SYNE2: variants seen among roughly 807,000 people sequenced by gnomAD.
The protein encoded by SYNE2 is spectrin repeat containing nuclear envelope protein 2, also known as nesprin-2.
SYNE2 carries 431 observed loss-of-function variants against 856.3 expected under a neutral mutation model. That is an observed-to-expected ratio of 0.50 (90% CI 0.47 to 0.55). The LOEUF is 0.55. Among genes scored for constraint, SYNE2 ranks in the 20% least tolerant of loss-of-function variants. The probability of loss-of-function intolerance (pLI) is 0.00; values close to 1 mark genes in which losing one functional copy is unlikely to be tolerated. For synonymous variants in SYNE2, 2,923 were observed against 2,872.3 expected (o/e 1.02, Z -0.56); for missense variants, 8,129 against 8,023.2 (o/e 1.01, Z -0.50).
At chr14:64,133,610 A>G (rs775070762) in intron 77 of SYNE2, among the ~76,000 whole-genome samples, 3 of 152,182 alleles carry the variant, frequency 2.0e-5, no homozygotes, top group African/African-American at 4.8e-5. Flanking sequence ...CTATGCTGCA[A>G]GTGGCATGGG....
chr14:64,107,627 A>T lies in SYNE2; in HGVS notation c.12609+20A>T, dbSNP rs1005221695. On this transcript the variant is annotated intron_variant, in intron 65 of 115. Coordinates refer to ENST00000555002, the MANE Select transcript of SYNE2 (RefSeq NM_182914.3). ...GAAGAGGTAAGTCCTGGTTGGTAAT[A>T]AGTAAACTGCTCAGATAGCTGGACT... 5 of 1,584,134 alleles carry T rather than the reference A, an allele frequency of 3.2e-6. No individual in the cohort carries two copies. Among genetic ancestry groups the T allele is most frequent in the Admixed American group, 1.7e-5 (1 of 59,962 alleles).
At chr14:63,846,043 C>CT (rs556866404) in intron 1 of SYNE2, among the ~76,000 whole-genome samples, 2,697 of 132,470 alleles carry the variant, frequency 0.02, 33 homozygotes, top group Middle Eastern at 0.031. Flanking sequence ...CGTACCTGCC[C>CT]TTTTTTTTTT....
chr14:64,149,961 G>A (rs2153701146), intron 84 of SYNE2, among the ~76,000 whole-genome samples: 1 of 147,780 alleles, frequency 6.8e-6, no homozygotes, highest in East Asian at 2.0e-4. Context: ...CCCACCGTGT[G>A]TGGTTGTTCG....
chr14:64,218,575 G>A (rs2098677903), intron 109 of SYNE2, 63 bp downstream of exon 109: 13 of 1,494,118 alleles, frequency 8.7e-6, no homozygotes, highest in Non-Finnish European at 1.2e-5. Flanking sequence ...CCTTGCTCAA[G>A]AGAACATTCA....
Position 64,020,006 on chromosome 14 carries a change from C to A in SYNE2, c.5064C>A (p.Val1688=), listed in dbSNP as rs764060611. Residue 1688 remains valine (V), a synonymous_variant, in exon 35 of 116, where the codon GTC becomes GTA. Coordinates refer to ENST00000555002, the MANE Select transcript of SYNE2 (RefSeq NM_182914.3). The part of the protein sequence containing the change: ...DRERLKEELQ[V]HEQKTSEFSR... ...ACATGTTTTAGGAAGAATTACAAGTCCATGAACAAAAAACTTCAGAATTTT... is the reference window on the plus strand; with the variant it reads ...ACATGTTTTAGGAAGAATTACAAGTACATGAACAAAAAACTTCAGAATTTT... 1.1e-5 allele frequency: 18 copies of A among 1,611,154 alleles called. No homozygotes were observed. In the South Asian group the frequency reaches 2.0e-4, roughly 18 times the overall value.
At chr14:64,170,165 C>T in intron 93 of SYNE2, 63 bp from the exon 94 acceptor site, 1 of 1,494,386 alleles carries the variant, frequency 6.7e-7, no homozygotes, top group South Asian at 1.1e-5. Flanking sequence ...TGCTATTACC[C>T]ACTGATAGTT....
intron 1 of SYNE2, among the ~76,000 whole-genome samples, chr14:63,856,014 G>C (rs1891622214): frequency 6.6e-6 from 1 of 152,182 alleles, no homozygotes. Context: ...TGTGGCATAA[G>C]AGGTTGTAGA....
At chr14:64,183,546 T>C (rs918056204) in intron 96 of SYNE2, among the ~76,000 whole-genome samples, 11 of 152,094 alleles carry the variant, frequency 7.2e-5, no homozygotes, top group African/African-American at 2.2e-4. Flanking sequence ...TCTCGGCACT[T>C]TGGGAGGCCA....
chr14:64,206,327 T>G (rs894492053), intron 100 of SYNE2, among the ~76,000 whole-genome samples: 4 of 152,242 alleles, frequency 2.6e-5, no homozygotes, highest in African/African-American at 9.7e-5. Context: ...TTTGGACAGT[T>G]TCTAAAACCT....
At chr14:63,771,002 G>A (rs1293608012) in intron 1 of SYNE2, among the ~76,000 whole-genome samples, 1 of 150,980 alleles carries the variant, frequency 6.6e-6, no homozygotes, top group African/African-American at 2.4e-5. Context: ...CATCATGCCC[G>A]ACCTAAAATC....
intron 105 of SYNE2, among the ~76,000 whole-genome samples, chr14:64,213,588 C>G (rs1350875472): frequency 6.6e-6 from 1 of 152,152 alleles, no homozygotes; most frequent in Non-Finnish European, 1.5e-5. Context: ...ACTGGCCACT[C>G]TTTCTTTTTT....
intron 1 of SYNE2, among the ~76,000 whole-genome samples, chr14:63,806,009 A>G (rs1027313520): frequency 6.6e-6 from 1 of 152,108 alleles, no homozygotes. Flanking sequence ...TAGGACTTCC[A>G]GTACTATGCT....
At chr14:63,852,086 T>C (rs1470056052), upstream of SYNE2, among the ~76,000 whole-genome samples, 2 of 145,660 alleles carry the variant, frequency 1.4e-5, no homozygotes, top group African/African-American at 5.0e-5. Flanking sequence ...ATCGCGCCAC[T>C]GTACTCCAGC....
chr14:63,850,011 A>G (rs976853587), upstream of SYNE2, among the ~76,000 whole-genome samples: 2 of 151,782 alleles, frequency 1.3e-5, no homozygotes, highest in Non-Finnish European at 2.9e-5. Flanking sequence ...CAGGCTGTTG[A>G]GCCCAACGGA....
At position 64,122,004 on chromosome 14, in the gene SYNE2, A is replaced by G. The variant is rs1392567891; in HGVS notation, c.13159-8A>G. ...GGATTGGACCATTTGAATCTCATTCAATTACAGGTTCTGGAGTTAAAACCA... is the reference window on the plus strand; with the variant it reads ...GGATTGGACCATTTGAATCTCATTCGATTACAGGTTCTGGAGTTAAAACCA... On this transcript the variant is annotated splice_polypyrimidine_tract_variant and splice_region_variant and intron_variant, in intron 68 of 115. Transcript: ENST00000555002. The G allele has an allele frequency of 6.2e-7, 1 of 1,613,142 alleles. No homozygotes were observed. Among genetic ancestry groups the G allele is most frequent in the Non-Finnish European group, 8.5e-7 (1 of 1,179,940 alleles).
At chr14:64,177,236 C>A in intron 95 of SYNE2, 122 bp from the exon 96 acceptor site, 1 of 1,244,380 alleles carries the variant, frequency 8.0e-7, no homozygotes, top group Non-Finnish European at 1.2e-6. Flanking sequence ...AACTGGGTGT[C>A]TGTGTGATTT....
intron 64 of SYNE2, among the ~76,000 whole-genome samples, chr14:64,102,883 T>C (rs1393782365): frequency 1.3e-5 from 2 of 152,098 alleles, no homozygotes; most frequent in African/African-American, 4.8e-5. Flanking sequence ...AGATTACACA[T>C]GTAAGTGAGA....
intron 1 of SYNE2, among the ~76,000 whole-genome samples, chr14:63,885,963 C>T (rs2094974619): frequency 6.6e-6 from 1 of 152,134 alleles, no homozygotes; most frequent in Admixed American, 6.5e-5. Context: ...AATATGTGAG[C>T]TAAATAGATG....
At chr14:64,008,417 G>T (rs1364197086) in intron 31 of SYNE2, among the ~76,000 whole-genome samples, 1 of 152,222 alleles carries the variant, frequency 6.6e-6, no homozygotes, top group East Asian at 1.9e-4. Context: ...ACCTGAATGG[G>T]AGATGTTGCC....
Sources: gnomAD v4.1 joint callset for allele counts (sites outside exome capture counted in the v4.1 genomes callset) on GRCh38, gnomAD v4.1.1 for gene constraint, MANE v1.5 for transcripts, NCBI Gene and HGNC (gene_info 2026-07-23, HGNC 2026-07-21) for gene names.